Variants in ADAM22 observed in about 807,000 individuals in gnomAD.
ADAM22 encodes the protein disintegrin and metalloproteinase domain-containing protein 22.
A neutral mutation model predicts 144.6 loss-of-function variants in ADAM22; 65 were observed. The observed-to-expected ratio is 0.45, with a 90% CI of 0.37 to 0.55. The LOEUF is 0.55. Among genes scored for constraint, ADAM22 ranks in the 20% least tolerant of loss-of-function variants. The pLI is 0.00. For synonymous variants in ADAM22, 391 were observed against 412.6 expected, an observed-to-expected ratio of 0.95 and a Z score of 0.63; for missense variants, 974 against 1,184.9, an observed-to-expected ratio of 0.82 and a Z score of 2.61.
At chr7:88,194,034 TAAC>T (rs749738512) in intron 31 of ADAM22, among the ~76,000 whole-genome samples, 9 of 152,212 alleles carry the variant, frequency 5.9e-5, no homozygotes, top group Admixed American at 1.3e-4. Flanking sequence ...TGGTAAAAGA[TAAC>T]AAGACAATTC....
intron 4 of ADAM22, among the ~76,000 whole-genome samples, chr7:88,101,195 C>T (rs1218005747): frequency 7.3e-6 from 1 of 137,160 alleles, no homozygotes; most frequent in Non-Finnish European, 1.5e-5. Flanking sequence ...AAAGAGCTTC[C>T]CATGTGTTAC....
At chr7:88,186,360 T>C (rs1234104107) in intron 29 of ADAM22, 11 of 449,842 alleles carry the variant, frequency 2.4e-5, no homozygotes, top group Non-Finnish European at 4.0e-5. Flanking sequence ...TAATTCACTT[T>C]GGGAAGCCAC....
chr7:88,063,853 A>G (rs964593262), intron 3 of ADAM22, among the ~76,000 whole-genome samples: 10 of 152,208 alleles, frequency 6.6e-5, no homozygotes, highest in African/African-American at 2.4e-4. Flanking sequence ...AATCCAAACC[A>G]TCAATCAAAG....
chr7:88,028,887 T>C lies in ADAM22; in HGVS notation c.324-46739T>C, dbSNP rs549416188. On this transcript the variant is annotated intron_variant, in intron 3 of 31. Transcript: ENST00000413139. The stretch of plus-strand genomic sequence containing the variant: ...TTTCCATCCTTTTATTTTCAGTCTA[T>C]GTGTGTCCTTATAGGTGAAGTATAT... Among the ~76,000 whole-genome samples, 11 of 152,236 alleles carry C rather than the reference T, an allele frequency of 7.2e-5. No individual in the cohort carries two copies. The South Asian group carries it at 2.3e-3, about 32-fold the overall frequency.
chr7:88,033,648 C>G (rs756739506), intron 3 of ADAM22, among the ~76,000 whole-genome samples: 2 of 152,206 alleles, frequency 1.3e-5, no homozygotes, highest in Non-Finnish European at 2.9e-5. Context: ...ATGGGATTCC[C>G]CAGGCTTTGG....
intron 29 of ADAM22, among the ~76,000 whole-genome samples, chr7:88,183,256 T>G (rs574563352): frequency 6.6e-6 from 1 of 152,330 alleles, no homozygotes; most frequent in South Asian, 2.1e-4. Context: ...TAAACTCTTC[T>G]TGGAATGTTG....
intron 30 of ADAM22, among the ~76,000 whole-genome samples, chr7:88,189,876 G>A (rs147653164): frequency 2.3e-4 from 35 of 150,302 alleles, no homozygotes; most frequent in African/African-American, 7.8e-4. Context: ...CCTGGGAGGC[G>A]GAGGTTGTAG....
intron 21 of ADAM22, among the ~76,000 whole-genome samples, chr7:88,154,280 C>G (rs1839273531): frequency 6.6e-6 from 1 of 152,182 alleles, no homozygotes; most frequent in Non-Finnish European, 1.5e-5. Context: ...GGCACTGCAC[C>G]TATTCAACAA....
intron 3 of ADAM22, among the ~76,000 whole-genome samples, chr7:88,066,149 T>C (rs983621609): frequency 2.6e-5 from 4 of 152,162 alleles, no homozygotes; most frequent in Non-Finnish European, 5.9e-5. Flanking sequence ...GTTATATTCT[T>C]CATGTGGATG....
intron 13 of ADAM22, 124 bp from the exon 14 acceptor site, chr7:88,135,856 G>T: frequency 1.5e-6 from 1 of 660,418 alleles, no homozygotes; most frequent in Non-Finnish European, 2.3e-6. Context: ...GAATTAGAAA[G>T]AAGTTACTAC....
chr7:87,965,129 G>A (rs993513494), intron 2 of ADAM22, among the ~76,000 whole-genome samples: 1 of 152,038 alleles, frequency 6.6e-6, no homozygotes, highest in African/African-American at 2.4e-5. Context: ...AAATATTTTT[G>A]CGGTGGTTCT....
chr7:87,971,192 T>A (rs1850365163), intron 2 of ADAM22, among the ~76,000 whole-genome samples: 1 of 152,202 alleles, frequency 6.6e-6, no homozygotes, highest in Non-Finnish European at 1.5e-5. Flanking sequence ...ATTCTAAAGA[T>A]TGTTTTTTAT....
At chr7:87,971,456 T>C (rs943246276) in intron 2 of ADAM22, among the ~76,000 whole-genome samples, 7 of 152,204 alleles carry the variant, frequency 4.6e-5, no homozygotes, top group African/African-American at 1.2e-4. Flanking sequence ...CCTAGTTATA[T>C]ACTAAGGATC....
At chr7:88,119,470 T>C (rs1357331652) in intron 7 of ADAM22, among the ~76,000 whole-genome samples, 1 of 152,212 alleles carries the variant, frequency 6.6e-6, no homozygotes. Context: ...ATTGAATATG[T>C]TGTGTCCTAT....
chr7:88,090,688 AAG>A (rs1332836330), intron 4 of ADAM22, among the ~76,000 whole-genome samples: 4 of 152,272 alleles, frequency 2.6e-5, no homozygotes, highest in African/African-American at 9.6e-5. Context: ...CTACAAGAAT[AAG>A]AGCTCAACTT....
intron 24 of ADAM22, 36 bp downstream of exon 24, chr7:88,165,982 A>G: frequency 6.8e-7 from 1 of 1,477,316 alleles, no homozygotes; most frequent in Non-Finnish European, 9.3e-7. Flanking sequence ...TGTAGTCTTT[A>G]TACACAAAGA....
chr7:88,076,000 A>G lies in ADAM22; in HGVS notation c.390+308A>G, dbSNP rs562088070. On this transcript the variant is annotated intron_variant, in intron 4 of 31. Coordinates refer to ENST00000413139, the MANE Select transcript of ADAM22 (RefSeq NM_001324418.2). ...CGTTACTTTTAATGGCAAAAACCCC[A>G]ATTATTTTATTTTATTTTATTTTAT... 5.3e-5 allele frequency among the ~76,000 whole-genome samples: 8 copies of G among 152,198 alleles called. No individual in the cohort carries two copies. The East Asian group carries it at 1.2e-3, about 22-fold the overall frequency.
chr7:88,105,853 C>T (rs1428718242), intron 4 of ADAM22, among the ~76,000 whole-genome samples: 1 of 152,114 alleles, frequency 6.6e-6, no homozygotes, highest in African/African-American at 2.4e-5. Flanking sequence ...TTGAGTAGAA[C>T]AGTAACAGAC....
rs1011474909 is a variant in ADAM22 at position 88,181,514 on chromosome 7, G to T, written c.2505G>T (p.Gly835=). The T allele has an allele frequency of 1.9e-6, 3 of 1,612,854 alleles. No homozygotes were observed. Among genetic ancestry groups the T allele is most frequent in the African/African-American group, 2.7e-5 (2 of 74,802 alleles). Residue 835 remains glycine, a synonymous_variant, in exon 28 of 32, where the codon GGG becomes GGT. Transcript: ENST00000413139. The part of the protein sequence containing the change: ...NISLFCSRSN[G]LSHSWSERIP... ...ATATTTTCAATTTCAGGTCAAATGG[G>T]CTCTCTCATTCTTGGAGTGAAAGGA... is the stretch of plus-strand genomic sequence containing the variant.
Sources: allele counts gnomAD v4.1 joint callset (sites outside exome capture counted in the v4.1 genomes callset), GRCh38; gene constraint gnomAD v4.1.1; transcripts MANE v1.5; gene names NCBI Gene and HGNC (gene_info 2026-07-23, HGNC 2026-07-21).